WWC2: variants seen among roughly 807,000 people sequenced by gnomAD.
WWC2 encodes the protein WW and C2 domain containing 2.
A neutral mutation model predicts 138.5 loss-of-function variants in WWC2; 101 were observed. The ratio of observed to expected loss-of-function variants is 0.73; its 90% CI spans 0.62 to 0.86. The LOEUF (loss-of-function observed/expected upper bound fraction) is 0.86, where lower values mean the gene tolerates loss of function less well. Ranked by LOEUF, WWC2 falls within the 40% of genes least tolerant of loss-of-function variation. WWC2 has a pLI of 0.00. For synonymous variants in WWC2, 558 were observed against 538.4 expected (o/e 1.04, Z -0.50); for missense variants, 1,420 against 1,419.4 (o/e 1.00, Z -0.01).
At chr4:183,163,813 T>A (rs544065997) in intron 1 of WWC2, among the ~76,000 whole-genome samples, 7 of 152,296 alleles carry the variant, frequency 4.6e-5, no homozygotes, top group African/African-American at 1.2e-4. Context: ...AAAAGTGATT[T>A]GTGATCTAGC....
At chr4:183,136,531 A>G (rs1733120661) in intron 1 of WWC2, among the ~76,000 whole-genome samples, 1 of 152,144 alleles carries the variant, frequency 6.6e-6, no homozygotes, top group African/African-American at 2.4e-5. Flanking sequence ...TGTGCTTGGT[A>G]ATTCTTACAC....
chr4:183,270,488 G>A lies in WWC2; in HGVS notation c.2401-592G>A, dbSNP rs536573216. Among the ~76,000 whole-genome samples, 5 of 152,234 alleles carry A rather than the reference G, an allele frequency of 3.3e-5. No homozygotes were observed. In the East Asian group the frequency reaches 9.6e-4, roughly 29 times the overall value. Reference sequence around the variant, plus strand: ...ATTATAAGAAGTACTATGAGGCCGGGTGTGGTGGGTCATGCCTGTAATCCT... The same window carrying A: ...ATTATAAGAAGTACTATGAGGCCGGATGTGGTGGGTCATGCCTGTAATCCT... On this transcript the variant is annotated intron_variant, in intron 15 of 22. Transcript: ENST00000403733.
At chr4:183,232,341 C>T (rs935313813) in intron 4 of WWC2, among the ~76,000 whole-genome samples, 1 of 152,032 alleles carries the variant, frequency 6.6e-6, no homozygotes, top group Non-Finnish European at 1.5e-5. Flanking sequence ...TAGTTACATG[C>T]CCATTATTGC....
chr4:183,293,246 C>T (rs1738521000), intron 21 of WWC2, among the ~76,000 whole-genome samples: 1 of 152,156 alleles, frequency 6.6e-6, no homozygotes, highest in South Asian at 2.1e-4. Flanking sequence ...TGAGCCACCA[C>T]ACCTGGCAGG....
At position 183,303,857 on chromosome 4, in the gene WWC2, A is replaced by G. The variant is rs570941123; in HGVS notation, c.3385-8484A>G. On this transcript the variant is annotated intron_variant, in intron 21 of 22. Transcript: ENST00000403733. ...AGAGTTTTTTTAAACTATATAGTAC[A>G]TGCCTGCATTTATTTATCTCGAAAT... 2.0e-5 allele frequency among the ~76,000 whole-genome samples: 3 copies of G among 151,962 alleles called. No individual in the cohort carries two copies. In the South Asian group the frequency reaches 6.3e-4, roughly 32 times the overall value.
At chr4:183,102,997 C>T (rs1743228125) in intron 1 of WWC2, among the ~76,000 whole-genome samples, 2 of 151,814 alleles carry the variant, frequency 1.3e-5, no homozygotes, top group South Asian at 4.2e-4. Context: ...TTGGCTTTAC[C>T]AACTCCCAGT....
intron 21 of WWC2, among the ~76,000 whole-genome samples, chr4:183,291,297 G>T (rs1306025380): frequency 6.6e-6 from 1 of 152,174 alleles, no homozygotes; most frequent in Non-Finnish European, 1.5e-5. Flanking sequence ...CATTAGTAAA[G>T]GTCCAGATGG....
chr4:183,241,870 C>T (rs954044263), intron 5 of WWC2, among the ~76,000 whole-genome samples: 3 of 152,164 alleles, frequency 2.0e-5, no homozygotes. Flanking sequence ...AATTATAACT[C>T]GCGTCACCAT....
intron 1 of WWC2, among the ~76,000 whole-genome samples, chr4:183,108,709 C>G (rs1251216014): frequency 6.6e-6 from 1 of 152,000 alleles, no homozygotes; most frequent in Non-Finnish European, 1.5e-5. Context: ...CTCCCGGGTT[C>G]AAGCAATTCT....
Position 183,261,287 on chromosome 4 carries a change from T to C in WWC2, c.1664T>C (p.Leu555Ser). The C allele has an allele frequency of 1.2e-6, 2 of 1,613,628 alleles. No individual in the cohort carries two copies. Among genetic ancestry groups the C allele is most frequent in the Non-Finnish European group, 1.7e-6 (2 of 1,179,758 alleles). Residue 555 changes from leucine to serine, a missense_variant, in exon 11 of 23, where the codon TTG (leucine) becomes TCG (serine). By Grantham distance (145) the Leu-to-Ser change is moderately radical (BLOSUM62 -2). Transcript: ENST00000403733. ...SLSSRSSLSS[L>S]SPPGSPLVLE... ...TCCTCGAGGTCCTCCCTTTCCTCCT[T>C]GTCTCCTCCAGGCTCTCCCTTGGTT...
At chr4:183,245,008 C>T (rs567452326) in intron 5 of WWC2, among the ~76,000 whole-genome samples, 95 of 152,054 alleles carry the variant, frequency 6.2e-4, no homozygotes, top group African/African-American at 2.2e-3. Context: ...CTGAGACGTG[C>T]GGATCACGAG....
chr4:183,269,763 A>T, intron 15 of WWC2: 1 of 235,942 alleles, frequency 4.2e-6, no homozygotes, highest in South Asian at 5.9e-5. Context: ...CCACCACAGT[A>T]TTGGAGCTTT....
chr4:183,169,878 C>G (rs1260909486), intron 1 of WWC2, among the ~76,000 whole-genome samples: 1 of 152,116 alleles, frequency 6.6e-6, no homozygotes, highest in Non-Finnish European at 1.5e-5. Flanking sequence ...TGCAGGAACA[C>G]TTTTGAAAAC....
chr4:183,167,604 G>T (rs1482309502), intron 1 of WWC2, among the ~76,000 whole-genome samples: 1 of 152,150 alleles, frequency 6.6e-6, no homozygotes, highest in African/African-American at 2.4e-5. Context: ...CCCTAGCTTT[G>T]AGAATCAGGT....
Position 183,319,632 on chromosome 4 carries a change from G to C in WWC2, c.*3903G>C, listed in dbSNP as rs756109582. On this transcript the variant is annotated 3_prime_UTR_variant, in exon 23 of 23. Transcript: ENST00000403733. Reference sequence around the variant, plus strand: ...TGTTTGTGCCACTGCGTAGTGGCCCGAAGCTAGGGGAGCGTGGCTGGAGCA... The same window carrying C: ...TGTTTGTGCCACTGCGTAGTGGCCCCAAGCTAGGGGAGCGTGGCTGGAGCA... 6.2e-7 allele frequency: 1 copy of C among 1,614,056 alleles called. No individual in the cohort carries two copies. The highest frequency in any genetic ancestry group is 1.7e-5 in the Admixed American group (1 of 60,020).
chr4:183,261,970 A>G (rs1363844469), intron 11 of WWC2, among the ~76,000 whole-genome samples: 5 of 152,246 alleles, frequency 3.3e-5, no homozygotes, highest in African/African-American at 1.2e-4. Flanking sequence ...GGAATTCTAT[A>G]TAAATACAGT....
At chr4:183,173,443 GT>G (rs1734351553) in intron 1 of WWC2, among the ~76,000 whole-genome samples, 1 of 152,036 alleles carries the variant, frequency 6.6e-6, no homozygotes, top group Admixed American at 6.5e-5. Context: ...GAATTCTTCA[GT>G]TTTATTTTTT....
chr4:183,263,633 A>T (rs955125795), intron 11 of WWC2, among the ~76,000 whole-genome samples: 1 of 152,212 alleles, frequency 6.6e-6, no homozygotes, highest in Non-Finnish European at 1.5e-5. Context: ...AATTCTCACA[A>T]ATTAGCTGGG....
intron 1 of WWC2, among the ~76,000 whole-genome samples, chr4:183,103,466 C>A (rs181046517): frequency 0.031 from 4,649 of 148,566 alleles, 245 homozygotes; most frequent in African/African-American, 0.11. Context: ...AGCTGGGATT[C>A]CAGGCGCCTG....
Sources: allele counts gnomAD v4.1 joint callset (sites outside exome capture counted in the v4.1 genomes callset), GRCh38; gene constraint gnomAD v4.1.1; transcripts MANE v1.5; gene names NCBI Gene and HGNC (gene_info 2026-07-23, HGNC 2026-07-21).